MRPL33: variants seen among roughly 807,000 people sequenced by gnomAD.
The protein encoded by MRPL33 is large ribosomal subunit protein bL33m.
Under a neutral mutation model 10.1 loss-of-function variants are expected in MRPL33, and 5 were observed. The ratio of observed to expected loss-of-function variants is 0.49; its 90% CI spans 0.26 to 1.04. MRPL33 has a LOEUF of 1.04. Ranked by LOEUF, MRPL33 falls within the 50% of genes least tolerant of loss-of-function variation. The pLI, the probability that MRPL33 is intolerant of heterozygous loss-of-function variation, is 0.14. For synonymous variants in MRPL33, 24 were observed against 27.7 expected (o/e 0.87, Z 0.42); for missense variants, 79 against 78.1 (o/e 1.01, Z -0.04).
intron 1 of MRPL33, chr2:27,772,074 C>A (rs1677060824): frequency 4.5e-6 from 2 of 447,032 alleles, no homozygotes; most frequent in East Asian, 3.5e-5. Context: ...TTTTCTCCAG[C>A]CCGTGTTAGG....
At chr2:27,777,040 GTATT>G (rs1016943464) in intron 3 of MRPL33, among the ~76,000 whole-genome samples, 5 of 152,240 alleles carry the variant, frequency 3.3e-5, no homozygotes, top group East Asian at 3.9e-4. Flanking sequence ...GTTCTTCTAT[GTATT>G]TATTTATTTA....
chr2:27,774,216 CTG>C (rs1463112703), intron 2 of MRPL33, among the ~76,000 whole-genome samples: 2 of 152,128 alleles, frequency 1.3e-5, no homozygotes, highest in Non-Finnish European at 2.9e-5. Context: ...CGAAGTAACT[CTG>C]TGTAGTGGAG....
rs377227147 is a variant in MRPL33, at chr2:27,771,739, C to T, written c.-39C>T. On this transcript the variant is annotated 5_prime_UTR_variant, in exon 1 of 4. Transcript: ENST00000296102. ...GAAGCAGTTGTTGTTGGTTGGGGGCCTTTTGGCCGGTGACGGAGACTGCCC... is the reference window on the plus strand; with the variant it reads ...GAAGCAGTTGTTGTTGGTTGGGGGCTTTTTGGCCGGTGACGGAGACTGCCC... 6 of 1,613,652 alleles carry T rather than the reference C, an allele frequency of 3.7e-6. No homozygotes were observed. The highest frequency in any genetic ancestry group is 2.2e-5 in the East Asian group (1 of 44,872).
chr2:27,774,677 A>G, intron 3 of MRPL33, 147 bp downstream of exon 3: 1 of 646,852 alleles, frequency 1.5e-6, no homozygotes, highest in African/African-American at 1.8e-5. Flanking sequence ...ATGCTATTTA[A>G]CATCCCAGGT....
intron 1 of MRPL33, 34 bp downstream of exon 1, chr2:27,771,833 G>A (rs1677053479): frequency 6.2e-7 from 1 of 1,609,830 alleles, no homozygotes; most frequent in African/African-American, 1.3e-5. Flanking sequence ...TAGGGGTTAC[G>A]GCGAGGGTTA....
intron 1 of MRPL33, 64 bp downstream of exon 1, chr2:27,771,863 G>T: frequency 2.0e-6 from 3 of 1,518,264 alleles, no homozygotes; most frequent in Non-Finnish European, 2.7e-6. Context: ...GACAGGCAGG[G>T]CCCCGGAATG....
At chr2:27,771,885 G>T (rs1677055293) in intron 1 of MRPL33, 86 bp downstream of exon 1, 1 of 1,380,836 alleles carries the variant, frequency 7.2e-7, no homozygotes, top group Admixed American at 1.9e-5. Context: ...TGCGGGGAAG[G>T]ATGTGCGAAC....
intron 3 of MRPL33, among the ~76,000 whole-genome samples, chr2:27,776,962 C>G (rs1032863609): frequency 2.0e-5 from 3 of 152,220 alleles, no homozygotes; most frequent in African/African-American, 7.2e-5. Flanking sequence ...GAGAAATTTT[C>G]CCAGGGATTC....
rs191597547 is a variant in MRPL33 at position 27,772,159 on chromosome 2, G to A, written c.22+360G>A. Reference sequence around the variant, plus strand: ...CTCTAAAAATAAGGAAACCGCTCCCGAGAGGGGCAATGAATTGCCTGAGTA... The same window carrying A: ...CTCTAAAAATAAGGAAACCGCTCCCAAGAGGGGCAATGAATTGCCTGAGTA... On this transcript the variant is annotated intron_variant, in intron 1 of 3. Coordinates refer to ENST00000296102, the MANE Select transcript of MRPL33 (RefSeq NM_004891.4). 3 of 317,370 alleles carry A rather than the reference G, an allele frequency of 9.5e-6. 1 individual carries two copies. The East Asian group carries it at 1.7e-4, about 18-fold the overall frequency. The allele number at this position is 317,370 out of a possible 1,614,324, so 19.7% of individuals were successfully genotyped here. A position where few individuals can be genotyped will look rare whatever the true frequency, so the allele number is the denominator to read the frequency against.
intron 3 of MRPL33, among the ~76,000 whole-genome samples, chr2:27,779,015 T>G (rs1479186014): frequency 6.6e-6 from 1 of 152,246 alleles, no homozygotes; most frequent in Non-Finnish European, 1.5e-5. Context: ...AGGTTTAGTG[T>G]CTATTACTCT....
intron 3 of MRPL33, among the ~76,000 whole-genome samples, chr2:27,775,577 C>T (rs767066370): frequency 7.2e-5 from 11 of 152,050 alleles, no homozygotes; most frequent in African/African-American, 1.2e-4. Context: ...GTCTTGAACT[C>T]CTGACCTCAG....
intron 3 of MRPL33, among the ~76,000 whole-genome samples, chr2:27,778,652 T>G (rs1677219458): frequency 6.6e-6 from 1 of 152,094 alleles, no homozygotes; most frequent in Non-Finnish European, 1.5e-5. Context: ...CCTCCCGGGT[T>G]CAAGTGATTC....
intron 3 of MRPL33, among the ~76,000 whole-genome samples, chr2:27,776,874 G>A (rs1039875474): frequency 2.6e-5 from 4 of 152,184 alleles, no homozygotes; most frequent in East Asian, 1.9e-4. Flanking sequence ...TGTTGAGTGC[G>A]CACTATGTGT....
At chr2:27,779,170 T>A (rs181218394) in intron 3 of MRPL33, among the ~76,000 whole-genome samples, 43 of 152,324 alleles carry the variant, frequency 2.8e-4, no homozygotes, top group Non-Finnish European at 4.1e-4. Flanking sequence ...TCTTTCTTAA[T>A]GTGAATATTT....
Position 27,779,529 on chromosome 2 carries a change from C to T in MRPL33, c.*47C>T, listed in dbSNP as rs200910851. Reference sequence around the variant, plus strand: ...TGATTTATAAAGAGAAGACTGAGGGCGGGGATACTGATTCAGAAATCCTGT... The same window carrying T: ...TGATTTATAAAGAGAAGACTGAGGGTGGGGATACTGATTCAGAAATCCTGT... On this transcript the variant is annotated 3_prime_UTR_variant, in exon 4 of 4. Transcript: ENST00000296102. The T allele has an allele frequency of 2.4e-5, 39 of 1,610,940 alleles. No homozygotes were observed. The South Asian group carries it at 3.2e-4, about 13-fold the overall frequency.
At chr2:27,776,354 A>G (rs1677148633) in intron 3 of MRPL33, among the ~76,000 whole-genome samples, 1 of 152,252 alleles carries the variant, frequency 6.6e-6, no homozygotes, top group Admixed American at 6.5e-5. Flanking sequence ...GCCTGCCCCC[A>G]TTGCCCAGGG....
At chr2:27,771,921 T>C (rs1418209834) in intron 1 of MRPL33, 122 bp downstream of exon 1, 13 of 1,051,424 alleles carry the variant, frequency 1.2e-5, no homozygotes, top group East Asian at 7.7e-5. Context: ...AGCTGCGTAC[T>C]TTTCCAGGCC....
At position 27,779,706 on chromosome 2, in the gene MRPL33, A is replaced by G; in HGVS notation, c.*224A>G. On this transcript the variant is annotated 3_prime_UTR_variant, in exon 4 of 4. Coordinates refer to ENST00000296102, the MANE Select transcript of MRPL33 (RefSeq NM_004891.4). ...TTTATTTATCTTTCTGGGTATTTTT[A>G]TAGCCCTTAATAAAAAATATTAAAA... 4.0e-6 allele frequency: 3 copies of G among 748,782 alleles called. No individual in the cohort carries two copies. The highest frequency in any genetic ancestry group is 5.9e-6 in the Non-Finnish European group (3 of 510,480). The allele number at this position is 748,782 out of a possible 1,614,324, so 46.4% of individuals were successfully genotyped here. A position where few individuals can be genotyped will look rare whatever the true frequency, so the allele number is the denominator to read the frequency against.
chr2:27,774,527 G>T lies in MRPL33; in HGVS notation c.145G>T (p.Val49Phe). ...ACTGACTCTTTTGCATTATGATCCA[G>T]TTGGTAAGATCTGGGGAGGTTAATG... Reference protein sequence around the residue: ...EKLTLLHYDPVVKQRVLFVEK... With the variant: ...EKLTLLHYDPFVKQRVLFVEK... Residue 49 changes from valine (V) to phenylalanine (F), a missense_variant, in exon 3 of 4, where the codon GTT becomes TTT. By Grantham distance (50) the Val-to-Phe change is conservative. Transcript: ENST00000296102. 1 of 1,613,640 alleles carries T rather than the reference G, an allele frequency of 6.2e-7. No homozygotes were observed. Among genetic ancestry groups the T allele is most frequent in the Non-Finnish European group, 8.5e-7 (1 of 1,179,518 alleles).
Sources: allele counts gnomAD v4.1 joint callset (sites outside exome capture counted in the v4.1 genomes callset), GRCh38; gene constraint gnomAD v4.1.1; transcripts MANE v1.5; gene names NCBI Gene and HGNC (gene_info 2026-07-23, HGNC 2026-07-21).